Variants in ANKFY1 observed in about 807,000 individuals in gnomAD.
ANKFY1 encodes the protein ankyrin repeat and FYVE domain containing 1, also known as ankyrin repeat and FYVE domain-containing protein 1.
In ANKFY1, 47 loss-of-function variants were observed where a neutral mutation model predicts 128.3. The observed-to-expected ratio is 0.37, with a 90% CI of 0.29 to 0.47. ANKFY1 has a LOEUF of 0.47. Ranked by LOEUF, ANKFY1 falls within the 20% of genes least tolerant of loss-of-function variation. The probability of loss-of-function intolerance (pLI) is 1.00; values close to 1 mark genes in which losing one functional copy is unlikely to be tolerated. For missense variants in ANKFY1, 1,222 were observed against 1,510.6 expected, an observed-to-expected ratio of 0.81 and a Z score of 3.17; for synonymous variants, 553 against 601.6, an observed-to-expected ratio of 0.92 and a Z score of 1.18.
intron 3 of ANKFY1, among the ~76,000 whole-genome samples, chr17:4,233,158 T>G (rs1424051617): frequency 6.6e-6 from 1 of 152,180 alleles, no homozygotes; most frequent in Non-Finnish European, 1.5e-5. Context: ...TTATATAGAT[T>G]TCAAAAGATG....
At chr17:4,227,884 G>A (rs1447283455) in intron 3 of ANKFY1, among the ~76,000 whole-genome samples, 1 of 152,196 alleles carries the variant, frequency 6.6e-6, no homozygotes, top group African/African-American at 2.4e-5. Flanking sequence ...TAGTCAGGAT[G>A]TGAAGCACCT....
chr17:4,183,737 C>G, intron 13 of ANKFY1, 75 bp downstream of exon 13: 1 of 1,490,608 alleles, frequency 6.7e-7, no homozygotes, highest in Non-Finnish European at 9.3e-7. Context: ...TTCTTTCTCG[C>G]TCCCTCTGTC....
chr17:4,186,095 C>A (rs2059606096), intron 11 of ANKFY1, among the ~76,000 whole-genome samples: 1 of 152,234 alleles, frequency 6.6e-6, no homozygotes. Context: ...TCTCCATTGA[C>A]AGAACCCTCC....
In ANKFY1 at chr17:4,169,316, C is replaced by A; in HGVS notation, c.3287-28G>T. 6.6e-7 allele frequency: 1 copy of A among 1,517,124 alleles called. No individual in the cohort carries two copies. The highest frequency in any genetic ancestry group is 1.2e-5 in the South Asian group (1 of 83,278). 94.0% of individuals were successfully genotyped at this position (1,517,124 alleles called of 1,614,324 possible). On this transcript the variant is annotated intron_variant, in intron 23 of 24. Transcript: ENST00000341657. This position sits in a 1 kb window ranked among gnomAD's most constrained non-coding sequence, Gnocchi z 5.0. ...GCAACACAGGGGGGAGGCCCGGTCC[C>A]GTCAAACCGCGACGGCGCCACGCAA...
chr17:4,221,511 T>G (rs1044346996), intron 3 of ANKFY1, among the ~76,000 whole-genome samples: 9 of 151,970 alleles, frequency 5.9e-5, no homozygotes, highest in Non-Finnish European at 1.0e-4. Flanking sequence ...AGCACCTGGC[T>G]GACTTTGTTT....
chr17:4,185,052 T>C lies in ANKFY1; in HGVS notation c.1471-6A>G, dbSNP rs771074579. ...GTGTGCAACGGGGTTTCTCCCTGAA[T>C]GGAAACAAATGGCCGAAATCTGAGC... On this transcript the variant is annotated splice_polypyrimidine_tract_variant and splice_region_variant and intron_variant, in intron 11 of 24. Coordinates refer to ENST00000341657, the MANE Select transcript of ANKFY1 (RefSeq NM_001330063.2). The C allele has an allele frequency of 2.5e-6, 4 of 1,609,780 alleles. No homozygotes were observed. The Admixed American group carries it at 5.0e-5, about 20-fold the overall frequency.
At chr17:4,220,918 C>T (rs1223963576) in intron 3 of ANKFY1, among the ~76,000 whole-genome samples, 2 of 152,168 alleles carry the variant, frequency 1.3e-5, no homozygotes, top group African/African-American at 2.4e-5. Flanking sequence ...AGTTGGCCTC[C>T]GAGTCCTGCG....
At position 4,167,786 on chromosome 17, in the gene ANKFY1, A is replaced by G. The variant is rs368284595; in HGVS notation, c.3503T>C (p.Val1168Ala). 6.2e-7 allele frequency: 1 copy of G among 1,613,268 alleles called. No individual in the cohort carries two copies. Among genetic ancestry groups the G allele is most frequent in the Non-Finnish European group, 8.5e-7 (1 of 1,179,502 alleles). ...GACCCTCCGGGGGGCTCACTAAGAA[A>G]CCCCACCCAGAGTCAGTACATCAAA... ...ICFDVLTLGG[V>A]S is the part of the protein sequence containing the mutation. The change falls in exon 25 of 25, where the codon GTT becomes GCT. Residue 1168 changes from valine to alanine, a missense_variant. Physicochemically the swap from Val to Ala is moderately conservative, Grantham distance 64. Transcript: ENST00000341657. The surrounding 1 kb of genome is among the most constrained non-coding windows in gnomAD (Gnocchi z 4.1).
intron 3 of ANKFY1, chr17:4,223,276 TCTTCA>T: frequency 1.1e-6 from 1 of 915,790 alleles, no homozygotes; most frequent in Non-Finnish European, 1.8e-6. Context: ...ACTGAGGGAA[TCTTCA>T]CTTGTTTTTA....
chr17:4,224,526 C>T (rs1230762741), intron 3 of ANKFY1, among the ~76,000 whole-genome samples: 1 of 151,908 alleles, frequency 6.6e-6, no homozygotes, highest in Admixed American at 6.5e-5. Flanking sequence ...AAAGGAAAAA[C>T]AGCATAAAAA....
intron 1 of ANKFY1, among the ~76,000 whole-genome samples, chr17:4,245,287 C>G (rs1967474203): frequency 6.6e-6 from 1 of 152,060 alleles, no homozygotes; most frequent in African/African-American, 2.4e-5. Context: ...AACTCAAACT[C>G]CTGAAACTCC....
chr17:4,176,312 C>CGGCCA (rs2059410854), intron 19 of ANKFY1, among the ~76,000 whole-genome samples: 1 of 152,212 alleles, frequency 6.6e-6, no homozygotes, highest in Non-Finnish European at 1.5e-5. Context: ...GGTGCCTTAG[C>CGGCCA]GGCCAGTTCT....
At chr17:4,217,392 C>CAA (rs1314046023) in intron 3 of ANKFY1, among the ~76,000 whole-genome samples, 1 of 151,914 alleles carries the variant, frequency 6.6e-6, no homozygotes, top group Admixed American at 6.6e-5. Context: ...ACTAAAAATA[C>CAA]AAAAAAAATT....
At chr17:4,196,770 G>T (rs1194193479) in intron 8 of ANKFY1, among the ~76,000 whole-genome samples, 1 of 152,138 alleles carries the variant, frequency 6.6e-6, no homozygotes. Flanking sequence ...ATGCTACAAG[G>T]TTTCCTTGGA....
intron 3 of ANKFY1, among the ~76,000 whole-genome samples, chr17:4,218,976 C>T (rs1419786703): frequency 6.6e-6 from 1 of 152,152 alleles, no homozygotes; most frequent in Non-Finnish European, 1.5e-5. Context: ...ACACACTACA[C>T]ACTACACACA....
chr17:4,219,056 A>G (rs2143035896), intron 3 of ANKFY1, among the ~76,000 whole-genome samples: 1 of 152,298 alleles, frequency 6.6e-6, no homozygotes, highest in South Asian at 2.1e-4. Context: ...CTAAAATATC[A>G]ACCCAGGTGG....
intron 1 of ANKFY1, chr17:4,249,134 GATT>G (rs2143468702): frequency 1.0e-6 from 1 of 985,210 alleles, no homozygotes; most frequent in East Asian, 1.1e-4. Flanking sequence ...AACCAAGAAT[GATT>G]TTTAGAACAC....
chr17:4,252,535 C>T (rs1359639153), intron 1 of ANKFY1, among the ~76,000 whole-genome samples: 1 of 152,020 alleles, frequency 6.6e-6, no homozygotes, highest in Non-Finnish European at 1.5e-5. Flanking sequence ...TACCACTGCA[C>T]CCCAGCCTGG....
intron 1 of ANKFY1, among the ~76,000 whole-genome samples, chr17:4,256,683 TG>T (rs1273243647): frequency 1.3e-5 from 2 of 152,120 alleles, no homozygotes; most frequent in African/African-American, 2.4e-5. Context: ...GAAAGCAACA[TG>T]CATGCTTATT....
Sources: allele counts gnomAD v4.1 joint callset (sites outside exome capture counted in the v4.1 genomes callset), GRCh38; gene constraint gnomAD v4.1.1; non-coding constraint Gnocchi (gnomAD v3.1); transcripts MANE v1.5; gene names NCBI Gene and HGNC (gene_info 2026-07-23, HGNC 2026-07-21).